Variants in ARHGAP40 observed in about 807,000 individuals in gnomAD.
ARHGAP40 encodes rho GTPase-activating protein 40.
ARHGAP40 carries 43 observed loss-of-function variants against 73.5 expected under a neutral mutation model. That is an observed-to-expected ratio of 0.58 (90% CI 0.46 to 0.75). The LOEUF is 0.75. ARHGAP40 is among the 30% of genes least tolerant of loss of function. ARHGAP40 has a pLI of 0.00. For missense variants in ARHGAP40, 734 were observed against 861.8 expected, an observed-to-expected ratio of 0.85 and a Z score of 1.86; for synonymous variants, 300 against 352.8, an observed-to-expected ratio of 0.85 and a Z score of 1.68.
At position 38,649,833 on chromosome 20, in the gene ARHGAP40, A is replaced by G. The variant is rs748518855; in HGVS notation, c.2013A>G (p.Lys671=). The G allele has an allele frequency of 5.4e-6, 7 of 1,305,070 alleles. No homozygotes were observed. In the African/African-American group the frequency reaches 7.6e-5, roughly 14 times the overall value. The allele number at this position is 1,305,070 out of a possible 1,614,324, so 80.8% of individuals were successfully genotyped here. Residue 671 remains lysine, a synonymous_variant, in exon 15 of 15, where the codon AAA becomes AAG. Transcript: ENST00000373345. The stretch of plus-strand genomic sequence containing the variant: ...ACCCGCATGGTGAGTGGGTCCTTAA[A>G]CAGAACCCCACCTAAACCCTGCGAG...
Position 38,647,141 on chromosome 20 carries a change from C to G in ARHGAP40, c.1880+15C>G. On this transcript the variant is annotated intron_variant, in intron 13 of 14. Coordinates refer to ENST00000373345, the Ensembl canonical transcript of ARHGAP40. Reference sequence around the variant, plus strand: ...CTCCTTCTACAGTAAGAGGCACCTCCTGGAGGCAGGAGCCTCTTCCCTGCA... The same window carrying G: ...CTCCTTCTACAGTAAGAGGCACCTCGTGGAGGCAGGAGCCTCTTCCCTGCA... 1.5e-6 allele frequency: 2 copies of G among 1,300,708 alleles called. No homozygotes were observed. The highest frequency in any genetic ancestry group is 2.0e-6 in the Non-Finnish European group (2 of 986,678). The allele number at this position is 1,300,708 out of a possible 1,614,324, so 80.6% of individuals were successfully genotyped here. A position where few individuals can be genotyped will look rare whatever the true frequency, so the allele number is the denominator to read the frequency against.
At chr20:38,633,656 A>T (rs1178677487) in intron 5 of ARHGAP40, among the ~76,000 whole-genome samples, 1 of 152,138 alleles carries the variant, frequency 6.6e-6, no homozygotes, top group Admixed American at 6.5e-5. Flanking sequence ...ATCAATTACT[A>T]TTTCTTTCCC....
intron 1 of ARHGAP40, among the ~76,000 whole-genome samples, chr20:38,604,430 C>G (rs1321171361): frequency 6.7e-6 from 1 of 148,294 alleles, no homozygotes; most frequent in Admixed American, 6.7e-5. Context: ...GAGTCTCACT[C>G]CGTTGCCCAG....
exon 9 of ARHGAP40, chr20:38,639,340 A>C: frequency 1.5e-6 from 2 of 1,305,496 alleles, no homozygotes; most frequent in Non-Finnish European, 2.0e-6. Context: ...AGCTGCCGAC[A>C]CCTTTGCTCA....
At chr20:38,613,255 G>A (rs147273263) in intron 1 of ARHGAP40, among the ~76,000 whole-genome samples, 237 of 152,196 alleles carry the variant, frequency 1.6e-3, no homozygotes, top group African/African-American at 5.2e-3. Flanking sequence ...AATATTTGTC[G>A]TCTCAGAGGT....
chr20:38,609,315 C>T lies in ARHGAP40; in HGVS notation c.137+7236C>T, dbSNP rs193283858. On this transcript the variant is annotated intron_variant, in intron 1 of 14. Transcript: ENST00000373345. Reference sequence around the variant, plus strand: ...AGGCTTGTGCAAACACAGATTGCTGCACCCCACCCCCAGAGTTTCTAATTC... The same window carrying T: ...AGGCTTGTGCAAACACAGATTGCTGTACCCCACCCCCAGAGTTTCTAATTC... Among the ~76,000 whole-genome samples, 84 of 152,248 alleles carry T rather than the reference C, an allele frequency of 5.5e-4. 1 individual carries two copies. Among genetic ancestry groups the T allele is most frequent in the Non-Finnish European group, 4.4e-5 (3 of 68,016 alleles).
intron 13 of ARHGAP40, 37 bp from the exon 14 acceptor site, chr20:38,648,606 G>A (rs1336872794): frequency 1.6e-6 from 2 of 1,290,070 alleles, no homozygotes; most frequent in Non-Finnish European, 1.0e-6. Context: ...AGAAGAAAAA[G>A]GCAGTAGTTT....
chr20:38,641,684 C>T, intron 9 of ARHGAP40, 42 bp from the exon 10 acceptor site: 1 of 1,256,138 alleles, frequency 8.0e-7, no homozygotes, highest in Non-Finnish European at 1.0e-6. Context: ...GGAGGGAGTC[C>T]CTGAGCCTCC....
At chr20:38,643,779 G>A (rs940899257) in exon 11 of ARHGAP40, 18 of 1,305,732 alleles carry the variant, frequency 1.4e-5, no homozygotes, top group Admixed American at 4.6e-5. Flanking sequence ...TGTTTCCACC[G>A]TGATGGCCCC....
At chr20:38,612,094 G>T (rs1569706) in intron 1 of ARHGAP40, among the ~76,000 whole-genome samples, 135,316 of 152,236 alleles carry the variant, frequency 0.89, 60,314 homozygotes, top group East Asian at 0.95. Context: ...AACATTTTAT[G>T]TAACCCAATA....
chr20:38,648,167 A>C (rs892233439), intron 13 of ARHGAP40, among the ~76,000 whole-genome samples: 6 of 152,396 alleles, frequency 3.9e-5, no homozygotes, highest in Admixed American at 1.3e-4. Flanking sequence ...GCCTTAGGCC[A>C]CATGGCAGAA....
At chr20:38,626,773 C>T (rs1467349993) in intron 2 of ARHGAP40, among the ~76,000 whole-genome samples, 1 of 152,214 alleles carries the variant, frequency 6.6e-6, no homozygotes, top group Non-Finnish European at 1.5e-5. Context: ...CATCCATACA[C>T]TGGCTAATGC....
intron 1 of ARHGAP40, chr20:38,615,459 G>C (rs573224543): frequency 4.3e-6 from 3 of 697,350 alleles, no homozygotes; most frequent in Admixed American, 4.1e-5. Flanking sequence ...CCAGGAACTC[G>C]ACCTCGGCCA....
intron 1 of ARHGAP40, among the ~76,000 whole-genome samples, chr20:38,614,300 G>A (rs989885808): frequency 3.9e-5 from 6 of 152,300 alleles, no homozygotes; most frequent in Non-Finnish European, 5.9e-5. Context: ...GTGCACCCAC[G>A]ATTCCCTGGC....
chr20:38,627,330 G>A, intron 3 of ARHGAP40, 115 bp downstream of exon 3: 1 of 972,516 alleles, frequency 1.0e-6, no homozygotes, highest in South Asian at 1.5e-5. Context: ...GTGTATGTGT[G>A]TGTTGGTGTG....
chr20:38,633,393 T>C (rs1175879616), intron 5 of ARHGAP40, among the ~76,000 whole-genome samples: 1 of 152,226 alleles, frequency 6.6e-6, no homozygotes, highest in Admixed American at 6.5e-5. Flanking sequence ...AAGTTAGTGA[T>C]AACTGTGTTA....
intron 1 of ARHGAP40, among the ~76,000 whole-genome samples, chr20:38,605,360 A>T (rs2088765295): frequency 6.6e-6 from 1 of 152,330 alleles, no homozygotes; most frequent in Admixed American, 6.5e-5. Flanking sequence ...GGTCACTACC[A>T]CATAATACAC....
intron 1 of ARHGAP40, among the ~76,000 whole-genome samples, chr20:38,612,421 C>T (rs2088809437): frequency 6.6e-6 from 1 of 152,124 alleles, no homozygotes; most frequent in Admixed American, 6.5e-5. Context: ...CACCTGTAAT[C>T]CCAGCACTTT....
intron 1 of ARHGAP40, among the ~76,000 whole-genome samples, chr20:38,617,916 T>C (rs1387113791): frequency 1.3e-5 from 2 of 152,148 alleles, no homozygotes; most frequent in Non-Finnish European, 2.9e-5. Context: ...TCGATAAACA[T>C]TTGCTGAATG....
Sources: gnomAD v4.1 joint callset for allele counts (sites outside exome capture counted in the v4.1 genomes callset) on GRCh38, gnomAD v4.1.1 for gene constraint, MANE v1.5 for transcripts, NCBI Gene and HGNC (gene_info 2026-07-23, HGNC 2026-07-21) for gene names.